The following KLHL28 variants were observed in gnomAD, a reference collection of about 807,000 sequenced individuals.
KLHL28 encodes kelch-like protein 28.
A neutral mutation model predicts 48.3 loss-of-function variants in KLHL28; 22 were observed. The ratio of observed to expected loss-of-function variants is 0.46; its 90% CI spans 0.33 to 0.65. The LOEUF (loss-of-function observed/expected upper bound fraction) is 0.65, where lower values mean the gene tolerates loss of function less well. Ranked by LOEUF, KLHL28 falls within the 30% of genes least tolerant of loss-of-function variation. KLHL28 has a pLI of 0.03. For synonymous variants in KLHL28, 243 were observed against 242.4 expected (o/e 1.00, Z -0.02); for missense variants, 527 against 704.3 (o/e 0.75, Z 2.85).
intron 4 of KLHL28, among the ~76,000 whole-genome samples, chr14:44,930,460 C>T (rs1883536890): frequency 6.6e-6 from 1 of 152,064 alleles, no homozygotes; most frequent in Admixed American, 6.6e-5. Context: ...GATGGGGTTT[C>T]AACATGTTGC....
chr14:44,931,491 A>G lies in KLHL28; in HGVS notation c.1394T>C (p.Met465Thr). ...SKDSWEMVAS[M>T]ADKRIHFGVG... is the part of the protein sequence containing the mutation. ...GCCAAAGTGAATCCTTTTATCTGCCATGGATGCAACCATCTCCCAGGAGTC... is the reference window on the plus strand; with the variant it reads ...GCCAAAGTGAATCCTTTTATCTGCCGTGGATGCAACCATCTCCCAGGAGTC... Residue 465 changes from methionine (M) to threonine (T), a missense_variant, in exon 4 of 5, where the codon ATG (methionine) becomes ACG (threonine). Coordinates refer to ENST00000396128, the MANE Select transcript of KLHL28 (RefSeq NM_017658.5). The G allele has an allele frequency of 6.2e-7, 1 of 1,614,120 alleles. No homozygotes were observed. The highest frequency in any genetic ancestry group is 8.5e-7 in the Non-Finnish European group (1 of 1,179,982).
chr14:44,950,202 G>A (rs969714844), intron 1 of KLHL28, among the ~76,000 whole-genome samples: 1 of 151,994 alleles, frequency 6.6e-6, no homozygotes, highest in African/African-American at 2.4e-5. Flanking sequence ...CACTTAGTAG[G>A]CTCTTAATAA....
intron 2 of KLHL28, among the ~76,000 whole-genome samples, chr14:44,941,626 C>G (rs1156919521): frequency 7.7e-6 from 1 of 130,060 alleles, no homozygotes; most frequent in African/African-American, 3.0e-5. Context: ...GAAACTCTGT[C>G]TCAAAAAAAA....
intron 2 of KLHL28, among the ~76,000 whole-genome samples, chr14:44,944,158 A>C (rs2138626269): frequency 6.6e-6 from 1 of 152,362 alleles, no homozygotes; most frequent in Middle Eastern, 3.4e-3. Context: ...TTCATGAAGC[A>C]ATCCTATCTA....
chr14:44,946,126 AT>A (rs1390911283), intron 1 of KLHL28, among the ~76,000 whole-genome samples, 198 bp from the exon 2 acceptor site: 1 of 152,182 alleles, frequency 6.6e-6, no homozygotes, highest in South Asian at 2.1e-4. Context: ...CAACTTATTT[AT>A]TATAGATATT....
At chr14:44,937,383 G>A (rs931190271) in intron 2 of KLHL28, among the ~76,000 whole-genome samples, 2 of 152,042 alleles carry the variant, frequency 1.3e-5, no homozygotes, top group African/African-American at 4.8e-5. Context: ...TCCTGAACTT[G>A]TGATCTGCCT....
intron 4 of KLHL28, 108 bp from the exon 5 acceptor site, chr14:44,929,299 C>T: frequency 9.9e-7 from 1 of 1,013,660 alleles, no homozygotes; most frequent in Non-Finnish European, 1.4e-6. Flanking sequence ...TACATTTTAA[C>T]AATCTATTAT....
At position 44,956,149 on chromosome 14, in the gene KLHL28, T is replaced by G. The variant is rs116528850; in HGVS notation, c.-1+5697A>C. On this transcript the variant is annotated intron_variant, in intron 1 of 4. Transcript: ENST00000396128. ...TTTTTTGTTTTTGTTTTTTAAGAGA[T>G]AGGGTCTTGCTACCTTGCCGAAACT... Among the ~76,000 whole-genome samples, 974 of 152,266 alleles carry G rather than the reference T, an allele frequency of 6.4e-3. 9 individuals carry two copies. Among genetic ancestry groups the G allele is most frequent in the African/African-American group, 0.022 (929 of 41,546 alleles).
chr14:44,946,851 C>T (rs548954291), intron 1 of KLHL28, among the ~76,000 whole-genome samples: 60 of 152,244 alleles, frequency 3.9e-4, no homozygotes, highest in Non-Finnish European at 6.9e-4. Context: ...CCACCACACC[C>T]GGCCTCAACT....
intron 2 of KLHL28, among the ~76,000 whole-genome samples, chr14:44,942,857 T>A (rs1884160221): frequency 6.6e-6 from 1 of 152,200 alleles, no homozygotes; most frequent in Non-Finnish European, 1.5e-5. Context: ...GCATAAACAT[T>A]ATGTATTATT....
rs573907160 is a variant in KLHL28 at position 44,945,195 on chromosome 14, C to T, written c.734G>A (p.Arg245His). 2.4e-4 allele frequency: 387 copies of T among 1,614,026 alleles called. 2 individuals carry two copies. In the South Asian group the frequency reaches 4.0e-3, roughly 16 times the overall value. Reference protein sequence around the residue: ...TRLYEANHLIRDDRTCKHLLN... With the variant: ...TRLYEANHLIHDDRTCKHLLN... ...AAGATGTTTACAAGTGCGATCATCA[C>T]GAATAAGATGATTTGCTTCATATAG... The change falls in exon 2 of 5, where the codon CGT (arginine) becomes CAT (histidine). Residue 245 changes from arginine (R) to histidine (H), a missense_variant. Arg to His is a conservative substitution (Grantham distance 29). Coordinates refer to ENST00000396128, the MANE Select transcript of KLHL28 (RefSeq NM_017658.5).
chr14:44,952,070 A>G (rs1566576914), intron 1 of KLHL28, among the ~76,000 whole-genome samples: 1 of 152,052 alleles, frequency 6.6e-6, no homozygotes, highest in Non-Finnish European at 1.5e-5. Context: ...CATGTTGCCT[A>G]GGCTAGTCTC....
chr14:44,941,003 G>A (rs935066048), intron 2 of KLHL28, among the ~76,000 whole-genome samples: 5 of 152,148 alleles, frequency 3.3e-5, no homozygotes, highest in Non-Finnish European at 7.4e-5. Context: ...AGGAGGCTGA[G>A]GCAGGAGAAT....
In KLHL28 at chr14:44,925,657, T is replaced by C. The variant is rs1883351670; in HGVS notation, c.*3371A>G. On this transcript the variant is annotated 3_prime_UTR_variant, in exon 5 of 5. Transcript: ENST00000396128. ...CATCTAACAGAATATCTCATACATA[T>C]AGCAAACCCTCCATATGTGTTAAAT... 1 of 152,166 alleles carries C rather than the reference T, an allele frequency of 6.6e-6. No individual in the cohort carries two copies. Among genetic ancestry groups the C allele is most frequent in the African/African-American group, 2.4e-5 (1 of 41,464 alleles). The allele number at this position is 152,166 out of a possible 1,614,324, so 9.4% of individuals were successfully genotyped here. A position where few individuals can be genotyped will look rare whatever the true frequency, so the allele number is the denominator to read the frequency against.
intron 1 of KLHL28, among the ~76,000 whole-genome samples, chr14:44,953,959 AG>A (rs1273494865): frequency 6.6e-6 from 1 of 152,232 alleles, no homozygotes; most frequent in East Asian, 1.9e-4. Flanking sequence ...AATATATATC[AG>A]TAATACATAA....
In KLHL28 at chr14:44,927,905, G is replaced by T. The variant is rs950889968; in HGVS notation, c.*1123C>A. On this transcript the variant is annotated 3_prime_UTR_variant, in exon 5 of 5. Transcript: ENST00000396128. ...TAACTTTCTTTAAATCACTATTCAG[G>T]AACCATGAAAAGCATAACACAGGCC... The T allele has an allele frequency of 8.5e-5, 13 of 152,416 alleles. No individual in the cohort carries two copies. Among genetic ancestry groups the T allele is most frequent in the African/African-American group, 2.7e-4 (11 of 41,408 alleles). 9.4% of individuals were successfully genotyped at this position (152,416 alleles called of 1,614,324 possible).
At chr14:44,946,679 C>G (rs1449277477) in intron 1 of KLHL28, among the ~76,000 whole-genome samples, 2 of 151,894 alleles carry the variant, frequency 1.3e-5, no homozygotes, top group African/African-American at 4.8e-5. Flanking sequence ...GCTTAGCCTC[C>G]CAAGTAGCTG....
At chr14:44,929,339 C>T (rs1440170278) in intron 4 of KLHL28, 148 bp from the exon 5 acceptor site, 1 of 718,578 alleles carries the variant, frequency 1.4e-6, no homozygotes. Context: ...CAGTAGTCCT[C>T]CCTTTATCTG....
At chr14:44,934,093 A>G in intron 3 of KLHL28, 22 bp downstream of exon 3, 1 of 1,535,972 alleles carries the variant, frequency 6.5e-7, no homozygotes, top group Non-Finnish European at 8.8e-7. Flanking sequence ...AACATATGCA[A>G]TTTAATTATT....
Sources: gnomAD v4.1 joint callset for allele counts (sites outside exome capture counted in the v4.1 genomes callset) on GRCh38, gnomAD v4.1.1 for gene constraint, MANE v1.5 for transcripts, NCBI Gene and HGNC (gene_info 2026-07-23, HGNC 2026-07-21) for gene names.